The following AFG3L2 variants were observed in gnomAD, a reference collection of about 807,000 sequenced individuals.
The protein encoded by AFG3L2 is AFG3 like matrix AAA peptidase subunit 2.
A neutral mutation model predicts 94.5 loss-of-function variants in AFG3L2; 54 were observed. The observed-to-expected ratio is 0.57, with a 90% CI of 0.46 to 0.72. The LOEUF (loss-of-function observed/expected upper bound fraction) is 0.72, where lower values mean the gene tolerates loss of function less well. Ranked by LOEUF, AFG3L2 falls within the 30% of genes least tolerant of loss-of-function variation. The probability of loss-of-function intolerance (pLI) is 0.00; values close to 1 mark genes in which losing one functional copy is unlikely to be tolerated. For synonymous variants in AFG3L2, 377 were observed against 365.5 expected (o/e 1.03, Z -0.36); for missense variants, 754 against 994.9 (o/e 0.76, Z 3.26).
intron 15 of AFG3L2, among the ~76,000 whole-genome samples, chr18:12,339,194 T>A (rs919240154): frequency 3.3e-5 from 4 of 122,326 alleles, no homozygotes; most frequent in Non-Finnish European, 6.2e-5. Context: ...TGTGCCCAGA[T>A]GGCGCCACTG....
Position 12,361,569 on chromosome 18 carries a change from C to T in AFG3L2, c.628-1518G>A, listed in dbSNP as rs1568143533. Among the ~76,000 whole-genome samples, 7 of 152,264 alleles carry T rather than the reference C, an allele frequency of 4.6e-5. No homozygotes were observed. The South Asian group carries it at 1.4e-3, about 32-fold the overall frequency. ...AGGCTGAGGCAGAGAACTTCTTGAA[C>T]CTGGGAGGCGGAAGTTGCAGTGAGC... On this transcript the variant is annotated intron_variant, in intron 6 of 16. Coordinates refer to ENST00000269143, the MANE Select transcript of AFG3L2 (RefSeq NM_006796.3).
At chr18:12,331,808 AATATATATATATATAT>A (rs35558132) in intron 16 of AFG3L2, among the ~76,000 whole-genome samples, 2 of 146,348 alleles carry the variant, frequency 1.4e-5, no homozygotes, top group African/African-American at 5.3e-5. Context: ...TAAATAAATA[AATATATATATATATAT>A]ATATATATAT....
intron 13 of AFG3L2, 49 bp from the exon 14 acceptor site, chr18:12,344,296 G>T: frequency 1.4e-6 from 2 of 1,420,398 alleles, no homozygotes; most frequent in South Asian, 1.1e-5. Flanking sequence ...CAGTGACACT[G>T]ACATTAAAAG....
intron 1 of AFG3L2, 140 bp from the exon 2 acceptor site, chr18:12,371,831 G>A: frequency 2.8e-6 from 2 of 712,512 alleles, no homozygotes; most frequent in Non-Finnish European, 4.9e-6. Flanking sequence ...GACTCCCTTA[G>A]TGAGGACTAG....
At chr18:12,339,072 T>C (rs1489389475) in intron 15 of AFG3L2, among the ~76,000 whole-genome samples, 1 of 148,858 alleles carries the variant, frequency 6.7e-6, no homozygotes, top group Non-Finnish European at 1.5e-5. Flanking sequence ...GCTAACACAG[T>C]GAAATGCCTG....
chr18:12,377,170 G>A lies in AFG3L2; in HGVS notation c.-88C>T. 2 of 1,048,408 alleles carry A rather than the reference G, an allele frequency of 1.9e-6. No homozygotes were observed. Among genetic ancestry groups the A allele is most frequent in the Non-Finnish European group, 2.7e-6 (2 of 754,062 alleles). The allele number at this position is 1,048,408 out of a possible 1,614,324, so 64.9% of individuals were successfully genotyped here. A position where few individuals can be genotyped will look rare whatever the true frequency, so the allele number is the denominator to read the frequency against. On this transcript the variant is annotated 5_prime_UTR_variant, in exon 1 of 17. Coordinates refer to ENST00000269143, the MANE Select transcript of AFG3L2 (RefSeq NM_006796.3). ...GGCCTCGGGAAGCGGGCTCGGCTCG[G>A]GGAAAGGCCGCCAGGCAGCGAAGCG...
intron 9 of AFG3L2, among the ~76,000 whole-genome samples, chr18:12,354,783 C>T (rs1376547569): frequency 6.6e-6 from 1 of 151,970 alleles, no homozygotes; most frequent in Non-Finnish European, 1.5e-5. Flanking sequence ...CCCCACCACC[C>T]CCCACAGCTC....
chr18:12,359,821 A>G (rs1908604297), intron 7 of AFG3L2, 106 bp downstream of exon 7: 1 of 1,441,618 alleles, frequency 6.9e-7, no homozygotes, highest in Admixed American at 1.8e-5. Context: ...CAAACTGATA[A>G]AGGCCTGTTT....
intron 9 of AFG3L2, among the ~76,000 whole-genome samples, chr18:12,354,964 C>T (rs901031148): frequency 9.2e-5 from 14 of 152,172 alleles, no homozygotes; most frequent in Non-Finnish European, 2.1e-4. Context: ...CCTGTAATCC[C>T]AGCACTTTAG....
chr18:12,345,172 G>C (rs763644552), intron 13 of AFG3L2, among the ~76,000 whole-genome samples: 49 of 152,194 alleles, frequency 3.2e-4, no homozygotes, highest in South Asian at 6.2e-4. Flanking sequence ...GCAAGCCACA[G>C]AAGTGGCAGA....
chr18:12,332,125 T>TG (rs2143085059), intron 16 of AFG3L2, among the ~76,000 whole-genome samples: 1 of 143,360 alleles, frequency 7.0e-6, no homozygotes, highest in East Asian at 2.0e-4. Context: ...ATAAAATGAT[T>TG]TTTTTTTTTT....
chr18:12,366,154 G>A (rs917913546), intron 5 of AFG3L2, among the ~76,000 whole-genome samples: 7 of 152,040 alleles, frequency 4.6e-5, no homozygotes, highest in African/African-American at 1.7e-4. Context: ...GGGATTACAG[G>A]CGTGACCCAC....
chr18:12,329,617 T>C lies in AFG3L2; in HGVS notation c.2342A>G (p.Lys781Arg), dbSNP rs1907452057. Residue 781 changes from lysine to arginine, a missense_variant, in exon 17 of 17, where the codon AAG (lysine) becomes AGG (arginine). Lys to Arg is a conservative substitution (Grantham distance 26, BLOSUM62 2). Transcript: ENST00000269143. The part of the protein sequence containing the change: ...SLPEGLKDWN[K>R]EREKEKEEPP... ...CTCCTCTTTCTCCTTTTCCCGCTCC[T>C]TGTTCCAGTCCTTAAGGCCTTCTGG... The C allele has an allele frequency of 7.4e-6, 12 of 1,614,154 alleles. No individual in the cohort carries two copies. The highest frequency in any genetic ancestry group is 1.0e-5 in the Non-Finnish European group (12 of 1,180,040).
At chr18:12,347,297 G>A (rs1908171330) in intron 13 of AFG3L2, among the ~76,000 whole-genome samples, 1 of 152,204 alleles carries the variant, frequency 6.6e-6, no homozygotes, top group African/African-American at 2.4e-5. Flanking sequence ...CCATCTGCCA[G>A]GCCACTTCCA....
intron 10 of AFG3L2, 51 bp downstream of exon 10, chr18:12,352,954 A>C (rs766207756): frequency 5.7e-6 from 7 of 1,235,298 alleles, no homozygotes; most frequent in African/African-American, 1.5e-5. Flanking sequence ...ACTCCATCTC[A>C]AAAAAAAAAA....
chr18:12,352,285 G>C (rs939468583), intron 10 of AFG3L2, among the ~76,000 whole-genome samples: 1 of 152,184 alleles, frequency 6.6e-6, no homozygotes. Context: ...GACCATCGCG[G>C]GACGGAGGAG....
chr18:12,364,211 A>G (rs1409913428), intron 5 of AFG3L2, among the ~76,000 whole-genome samples: 12 of 152,172 alleles, frequency 7.9e-5, no homozygotes, highest in Non-Finnish European at 1.5e-5. Context: ...TTTTCCCTCC[A>G]ACATTGCATT....
chr18:12,362,510 A>G (rs1908691081), intron 6 of AFG3L2, among the ~76,000 whole-genome samples: 1 of 152,218 alleles, frequency 6.6e-6, no homozygotes, highest in South Asian at 2.1e-4. Flanking sequence ...AAAGAAATCA[A>G]TATAAACCTT....
intron 10 of AFG3L2, 68 bp downstream of exon 10, chr18:12,352,937 G>A: frequency 6.3e-7 from 1 of 1,597,548 alleles, no homozygotes; most frequent in Non-Finnish European, 8.5e-7. Flanking sequence ...CTGGACGACA[G>A]AGTCAGACTC....
Sources: allele counts gnomAD v4.1 joint callset (sites outside exome capture counted in the v4.1 genomes callset), GRCh38; gene constraint gnomAD v4.1.1; transcripts MANE v1.5; gene names NCBI Gene and HGNC (gene_info 2026-07-23, HGNC 2026-07-21).